Variants in CCSER1 observed in about 807,000 individuals in gnomAD.
CCSER1 encodes the protein coiled-coil serine rich protein 1.
Under a neutral mutation model 82.0 loss-of-function variants are expected in CCSER1, and 41 were observed. The ratio of observed to expected loss-of-function variants is 0.50; its 90% CI spans 0.39 to 0.65. CCSER1 has a LOEUF of 0.65. CCSER1 is among the 30% of genes least tolerant of loss of function. The pLI is 0.00. For missense variants in CCSER1, 1,119 were observed against 1,064.2 expected (o/e 1.05, Z -0.72); for synonymous variants, 414 against 383.9 (o/e 1.08, Z -0.92).
At chr4:91,232,785 C>T (rs1738722652) in intron 10 of CCSER1, among the ~76,000 whole-genome samples, 1 of 151,638 alleles carries the variant, frequency 6.6e-6, no homozygotes, top group Non-Finnish European at 1.5e-5. Context: ...TATATCTGAG[C>T]ACTTGTCCTT....
intron 1 of CCSER1, among the ~76,000 whole-genome samples, chr4:90,274,083 T>A (rs1050358656): frequency 6.6e-6 from 1 of 152,228 alleles, no homozygotes; most frequent in Non-Finnish European, 1.5e-5. Context: ...ACTACTCATG[T>A]ATGTTTGTGA....
chr4:91,037,766 A>G (rs1320609004), intron 9 of CCSER1, among the ~76,000 whole-genome samples: 1 of 151,866 alleles, frequency 6.6e-6, no homozygotes, highest in Non-Finnish European at 1.5e-5. Context: ...TTTTTTAAAA[A>G]TATTTGATGG....
chr4:91,521,722 G>A (rs1306659864), intron 10 of CCSER1, among the ~76,000 whole-genome samples: 1 of 152,158 alleles, frequency 6.6e-6, no homozygotes, highest in East Asian at 1.9e-4. Context: ...CTTTTTGATG[G>A]GGTTGTTTGA....
chr4:90,886,293 C>G, intron 8 of CCSER1, among the ~76,000 whole-genome samples: 1 of 152,174 alleles, frequency 6.6e-6, no homozygotes, highest in East Asian at 1.9e-4. Context: ...TGGCCCTCAG[C>G]CTCTTTTTAA....
intron 5 of CCSER1, among the ~76,000 whole-genome samples, chr4:90,524,066 C>T (rs1773456097): frequency 1.3e-5 from 2 of 151,854 alleles, no homozygotes; most frequent in Non-Finnish European, 2.9e-5. Context: ...TGAAAAAAAA[C>T]ATATATTTAT....
chr4:91,028,711 GAA>G (rs35653727), intron 9 of CCSER1, among the ~76,000 whole-genome samples: 14 of 147,882 alleles, frequency 9.5e-5, no homozygotes, highest in Admixed American at 4.7e-4. Flanking sequence ...CATGTGTCCA[GAA>G]AAAAAAAAAT....
At chr4:91,487,743 T>C (rs1405929436) in intron 10 of CCSER1, among the ~76,000 whole-genome samples, 2 of 151,992 alleles carry the variant, frequency 1.3e-5, no homozygotes, top group South Asian at 2.1e-4. Context: ...CTAAATTTGG[T>C]ATCTGGTACA....
At chr4:90,263,824 A>G (rs563863730) in intron 1 of CCSER1, among the ~76,000 whole-genome samples, 2 of 152,236 alleles carry the variant, frequency 1.3e-5, no homozygotes, top group South Asian at 2.1e-4. Flanking sequence ...GGCATGGCCA[A>G]CTGCTACTCC....
chr4:91,310,785 G>A (rs1422167771), intron 10 of CCSER1, among the ~76,000 whole-genome samples: 3 of 151,846 alleles, frequency 2.0e-5, no homozygotes, highest in African/African-American at 7.3e-5. Flanking sequence ...TGTGGCCCAG[G>A]ACAGCTTTGA....
chr4:90,484,645 C>A (rs902258883), intron 5 of CCSER1, among the ~76,000 whole-genome samples: 5 of 152,120 alleles, frequency 3.3e-5, no homozygotes, highest in African/African-American at 4.8e-5. Flanking sequence ...CACTCCAGAC[C>A]CTGTTTGCCT....
At chr4:91,541,158 C>G (rs1476566111) in intron 10 of CCSER1, among the ~76,000 whole-genome samples, 1 of 152,120 alleles carries the variant, frequency 6.6e-6, no homozygotes, top group Non-Finnish European at 1.5e-5. Flanking sequence ...AAGTTTTGAG[C>G]CTTCCTATTC....
At chr4:90,150,605 A>C (rs1251469795) in intron 1 of CCSER1, among the ~76,000 whole-genome samples, 1 of 152,104 alleles carries the variant, frequency 6.6e-6, no homozygotes, top group Non-Finnish European at 1.5e-5. Flanking sequence ...CATCTTCATC[A>C]CTCTTATCAA....
intron 10 of CCSER1, among the ~76,000 whole-genome samples, chr4:91,577,054 T>A (rs1763484084): frequency 6.6e-6 from 1 of 152,030 alleles, no homozygotes; most frequent in South Asian, 2.1e-4. Flanking sequence ...GAGCAAACCT[T>A]CCAAATAACA....
intron 7 of CCSER1, among the ~76,000 whole-genome samples, chr4:90,729,353 T>C (rs1744284628): frequency 6.6e-6 from 1 of 152,220 alleles, no homozygotes; most frequent in Admixed American, 6.5e-5. Flanking sequence ...TTTACTTTGA[T>C]GAAGATTCAA....
At chr4:91,332,048 T>C (rs1053238796) in intron 10 of CCSER1, among the ~76,000 whole-genome samples, 3 of 152,168 alleles carry the variant, frequency 2.0e-5, no homozygotes, top group African/African-American at 7.2e-5. Context: ...CATTAGCTTA[T>C]TGAAAACTTC....
intron 10 of CCSER1, among the ~76,000 whole-genome samples, chr4:91,408,455 G>T (rs760932824): frequency 2.0e-5 from 3 of 152,078 alleles, no homozygotes; most frequent in African/African-American, 7.2e-5. Context: ...TGACTTATTT[G>T]CCTTTAAGCA....
At chr4:90,237,908 G>GT (rs1487703863) in intron 1 of CCSER1, among the ~76,000 whole-genome samples, 1 of 152,170 alleles carries the variant, frequency 6.6e-6, no homozygotes, top group African/African-American at 2.4e-5. Context: ...AGTGTAGTGT[G>GT]TTTTTCAAGG....
intron 5 of CCSER1, among the ~76,000 whole-genome samples, chr4:90,591,492 C>G (rs1425539434): frequency 2.0e-5 from 3 of 152,160 alleles, no homozygotes; most frequent in African/African-American, 7.2e-5. Flanking sequence ...GAGATACCAT[C>G]TCATGCCAGT....
intron 10 of CCSER1, among the ~76,000 whole-genome samples, chr4:91,178,125 G>T (rs940296644): frequency 1.5e-4 from 23 of 152,178 alleles, no homozygotes; most frequent in African/African-American, 5.3e-4. Context: ...GCGGTTTTGA[G>T]TGAGTTTCTT....
Sources: allele counts gnomAD v4.1 joint callset (sites outside exome capture counted in the v4.1 genomes callset), GRCh38; gene constraint gnomAD v4.1.1; transcripts MANE v1.5; gene names NCBI Gene and HGNC (gene_info 2026-07-23, HGNC 2026-07-21).